Variants in OPCML observed in about 807,000 individuals in gnomAD.
OPCML encodes the protein opioid-binding protein/cell adhesion molecule.
A neutral mutation model predicts 37.8 loss-of-function variants in OPCML; 13 were observed. The ratio of observed to expected loss-of-function variants is 0.34; its 90% CI spans 0.22 to 0.55. The LOEUF (loss-of-function observed/expected upper bound fraction) is 0.55, where lower values mean the gene tolerates loss of function less well. Ranked by LOEUF, OPCML falls within the 20% of genes least tolerant of loss-of-function variation. The pLI is 0.91. For synonymous variants in OPCML, 176 were observed against 168.8 expected, an observed-to-expected ratio of 1.04 and a Z score of -0.33; for missense variants, 341 against 435.6, an observed-to-expected ratio of 0.78 and a Z score of 1.93.
chr11:133,215,217 T>TGTGA (rs61372974), intron 1 of OPCML, among the ~76,000 whole-genome samples: 7,346 of 150,784 alleles, frequency 0.049, 602 homozygotes, highest in African/African-American at 0.17. Flanking sequence ...TGTGTGTGTG[T>TGTGA]GAGAGAGAGA....
intron 2 of OPCML, chr11:132,772,878 G>A (rs1946688067): frequency 6.6e-6 from 1 of 152,280 alleles, no homozygotes; most frequent in South Asian, 2.1e-4. Flanking sequence ...GAGGCAGAGT[G>A]TGATCAAAGC....
intron 1 of OPCML, among the ~76,000 whole-genome samples, chr11:133,025,826 T>C (rs1426237704): frequency 6.7e-6 from 1 of 148,446 alleles, no homozygotes; most frequent in Admixed American, 6.9e-5. Flanking sequence ...CTCTGTCTCT[T>C]GGGTTCAAGT....
At chr11:133,155,830 T>C (rs985304815) in intron 1 of OPCML, among the ~76,000 whole-genome samples, 16 of 152,100 alleles carry the variant, frequency 1.1e-4, no homozygotes, top group African/African-American at 3.9e-4. Context: ...CTACCCACTT[T>C]CCAGAATCAG....
intron 2 of OPCML, among the ~76,000 whole-genome samples, chr11:132,816,115 T>C (rs1939619714): frequency 6.6e-6 from 1 of 152,146 alleles, no homozygotes. Context: ...ATAAGAGTAA[T>C]ATTGGACTAA....
intron 2 of OPCML, among the ~76,000 whole-genome samples, chr11:132,760,750 C>T (rs2136096591): frequency 6.6e-6 from 1 of 152,012 alleles, no homozygotes; most frequent in East Asian, 1.9e-4. Flanking sequence ...TTGACTCTAT[C>T]CAATTTGCCA....
intron 1 of OPCML, among the ~76,000 whole-genome samples, chr11:133,166,085 G>A (rs181818508): frequency 7.4e-4 from 113 of 152,274 alleles, no homozygotes; most frequent in African/African-American, 2.7e-3. Flanking sequence ...GTCAGATGCT[G>A]TGTTAGTCAC....
At chr11:132,434,894 G>T (rs2096008122) in intron 7 of OPCML, among the ~76,000 whole-genome samples, 2 of 152,084 alleles carry the variant, frequency 1.3e-5, no homozygotes, top group South Asian at 4.2e-4. Flanking sequence ...TCTTTTCAAA[G>T]ATGACCAAAT....
chr11:133,429,145 C>G (rs1946065485), intron 1 of OPCML, among the ~76,000 whole-genome samples: 1 of 152,126 alleles, frequency 6.6e-6, no homozygotes, highest in Non-Finnish European at 1.5e-5. Flanking sequence ...CTCCAGGAAG[C>G]TAATTTTGAG....
At chr11:133,171,136 T>C (rs1345206248) in intron 1 of OPCML, among the ~76,000 whole-genome samples, 1 of 152,214 alleles carries the variant, frequency 6.6e-6, no homozygotes, top group African/African-American at 2.4e-5. Context: ...CCTATACCTC[T>C]TTGTTTTACT....
At chr11:132,808,060 A>G (rs1334230531) in intron 2 of OPCML, among the ~76,000 whole-genome samples, 1 of 152,238 alleles carries the variant, frequency 6.6e-6, no homozygotes, top group African/African-American at 2.4e-5. Flanking sequence ...GCTACATGAA[A>G]TTGCTGTATC....
At chr11:132,905,773 A>G (rs1454716651) in intron 2 of OPCML, among the ~76,000 whole-genome samples, 1 of 152,156 alleles carries the variant, frequency 6.6e-6, no homozygotes, top group Non-Finnish European at 1.5e-5. Flanking sequence ...TTCTTCCAGT[A>G]TAAGCTTAGA....
intron 1 of OPCML, among the ~76,000 whole-genome samples, chr11:133,180,248 C>A (rs1362975906): frequency 6.6e-6 from 1 of 152,136 alleles, no homozygotes; most frequent in Admixed American, 6.5e-5. Flanking sequence ...CGGACCCTCA[C>A]GTGTGCGTTC....
In OPCML at chr11:133,508,774, C is replaced by T. The variant is rs146084546; in HGVS notation, c.61+23490G>A. 2.4e-3 allele frequency among the ~76,000 whole-genome samples: 358 copies of T among 151,566 alleles called. 2 individuals are homozygous for T. Among genetic ancestry groups the T allele is most frequent in the African/African-American group, 7.9e-3 (329 of 41,436 alleles). ...CCTTGTCCCTCCACGCCGGATGCAG[C>T]TGGGTGCGCACCAAACAGCAAGGAA... is the stretch of plus-strand genomic sequence containing the variant. On this transcript the variant is annotated intron_variant, in intron 1 of 7. Transcript: ENST00000524381.
intron 1 of OPCML, among the ~76,000 whole-genome samples, chr11:133,452,470 T>C (rs1946599150): frequency 6.6e-6 from 1 of 151,372 alleles, no homozygotes; most frequent in Non-Finnish European, 1.5e-5. Flanking sequence ...GTTTATATAG[T>C]ATGATAGCAG....
chr11:132,993,261 T>C (rs1312908557), intron 1 of OPCML, among the ~76,000 whole-genome samples: 3 of 152,216 alleles, frequency 2.0e-5, no homozygotes, highest in South Asian at 2.1e-4. Context: ...TCAATCTGTA[T>C]ACACATGTGA....
chr11:133,491,067 G>A (rs79882333), intron 1 of OPCML, among the ~76,000 whole-genome samples: 3,460 of 152,312 alleles, frequency 0.023, 132 homozygotes, highest in African/African-American at 0.078. Flanking sequence ...ATGAATGAGT[G>A]AGTGAATGAG....
At chr11:133,232,113 A>T (rs75407407) in intron 1 of OPCML, among the ~76,000 whole-genome samples, 1,907 of 152,272 alleles carry the variant, frequency 0.013, 34 homozygotes, top group African/African-American at 0.042. Flanking sequence ...GAACCTCACC[A>T]TATGCCCCCA....
chr11:133,004,542 G>A, intron 1 of OPCML: 1 of 985,416 alleles, frequency 1.0e-6, no homozygotes, highest in African/African-American at 1.7e-5. Flanking sequence ...TGCACCTCTT[G>A]GCCGTCCTGA....
chr11:133,063,434 T>C (rs1171833683), intron 1 of OPCML, among the ~76,000 whole-genome samples: 1 of 152,208 alleles, frequency 6.6e-6, no homozygotes, highest in African/African-American at 2.4e-5. Context: ...GTGGTGTGCC[T>C]GCACTTCAGA....
Sources: allele counts gnomAD v4.1 joint callset (sites outside exome capture counted in the v4.1 genomes callset), GRCh38; gene constraint gnomAD v4.1.1; transcripts MANE v1.5; gene names NCBI Gene and HGNC (gene_info 2026-07-23, HGNC 2026-07-21).